TMEM150B: variants seen among roughly 807,000 people sequenced by gnomAD.
TMEM150B encodes the protein modulator of macroautophagy TMEM150B.
In TMEM150B, 33 loss-of-function variants were observed where a neutral mutation model predicts 25.2. The observed-to-expected ratio is 1.31, with a 90% CI of 0.99 to 1.75. The LOEUF (loss-of-function observed/expected upper bound fraction) is 1.75. TMEM150B is among the 40% of genes most tolerant of loss of function. The pLI is 0.00. For missense variants in TMEM150B, 322 were observed against 306.1 expected (o/e 1.05, Z -0.39); for synonymous variants, 133 against 134.8 (o/e 0.99, Z 0.09).
intron 7 of TMEM150B, among the ~76,000 whole-genome samples, chr19:55,315,020 A>G (rs2088948979): frequency 6.6e-6 from 1 of 152,098 alleles, no homozygotes; most frequent in Non-Finnish European, 1.5e-5. Flanking sequence ...TACCTATCAG[A>G]ATTAATCACT....
chr19:55,320,226 G>A, intron 5 of TMEM150B, 60 bp from the exon 6 acceptor site: 1 of 1,587,802 alleles, frequency 6.3e-7, no homozygotes, highest in South Asian at 1.1e-5. Flanking sequence ...CTGGGACCCA[G>A]GGAGGGAAGT....
At chr19:55,312,790 C>A, downstream of TMEM150B, 1 of 1,448,958 alleles carries the variant, frequency 6.9e-7, no homozygotes, top group Non-Finnish European at 9.3e-7. Flanking sequence ...TTGCTGGGTG[C>A]GGGGCACTGG....
At chr19:55,324,829 A>T in intron 1 of TMEM150B, 2 of 985,284 alleles carry the variant, frequency 2.0e-6, no homozygotes, top group Middle Eastern at 5.2e-4. Flanking sequence ...CCCAGACATG[A>T]ATCTGAGCCA....
chr19:55,320,660 C>G (rs780762140), intron 3 of TMEM150B, 43 bp from the exon 4 acceptor site: 3 of 1,589,734 alleles, frequency 1.9e-6, no homozygotes, highest in Non-Finnish European at 2.6e-6. Context: ...TCACCAACAA[C>G]TTTTCCTTCT....
At chr19:55,310,600 T>C (rs1477748922), downstream of TMEM150B, among the ~76,000 whole-genome samples, 4 of 152,036 alleles carry the variant, frequency 2.6e-5, no homozygotes, top group African/African-American at 9.7e-5. The surrounding 1 kb of genome is among the most constrained non-coding windows in gnomAD (Gnocchi z 5.0). Flanking sequence ...TCCCCTCAAC[T>C]GGGGAAAACA....
At chr19:55,318,939 C>T (rs2089098234) in intron 6 of TMEM150B, among the ~76,000 whole-genome samples, 1 of 151,988 alleles carries the variant, frequency 6.6e-6, no homozygotes, top group Non-Finnish European at 1.5e-5. Flanking sequence ...TCCTGCATAG[C>T]TGGGACTACA....
chr19:55,317,311 C>T (rs1246864074), intron 6 of TMEM150B, among the ~76,000 whole-genome samples: 1 of 152,126 alleles, frequency 6.6e-6, no homozygotes, highest in Non-Finnish European at 1.5e-5. Flanking sequence ...TTGTATGTGA[C>T]TCACGGATAC....
At chr19:55,316,307 G>T (rs559290712) in intron 7 of TMEM150B, among the ~76,000 whole-genome samples, 41 of 151,990 alleles carry the variant, frequency 2.7e-4, no homozygotes, top group Non-Finnish European at 3.1e-4. Context: ...AGAACCTCAC[G>T]CGCATCCTGG....
At chr19:55,312,081 G>A (rs748324095), downstream of TMEM150B, 56 of 1,392,114 alleles carry the variant, frequency 4.0e-5, no homozygotes, top group Middle Eastern at 2.4e-4. Flanking sequence ...CCACGGGGCC[G>A]GGGAGGGAGG....
At chr19:55,313,505 C>T (rs1265303552) in intron 7 of TMEM150B, among the ~76,000 whole-genome samples, 1 of 152,150 alleles carries the variant, frequency 6.6e-6, no homozygotes, top group East Asian at 1.9e-4. Context: ...CCTACAGGCC[C>T]TTCCTGCTCA....
chr19:55,319,684 A>G, intron 6 of TMEM150B: 1 of 1,014,708 alleles, frequency 9.9e-7, no homozygotes, highest in South Asian at 3.0e-5. Context: ...TCCTCACCTC[A>G]GGCGATCCGC....
intron 7 of TMEM150B, 80 bp from the exon 8 acceptor site, chr19:55,313,135 C>T (rs1024284818): frequency 6.3e-6 from 9 of 1,421,644 alleles, no homozygotes; most frequent in South Asian, 2.8e-5. Context: ...TCGCGCTGGG[C>T]GGAGGCCGTC....
downstream of TMEM150B, among the ~76,000 whole-genome samples, chr19:55,311,005 G>A (rs1300960395): frequency 6.6e-6 from 1 of 152,096 alleles, no homozygotes; most frequent in Non-Finnish European, 1.5e-5. Context: ...CTGTCGCTCA[G>A]GCTGGAGTGC....
At chr19:55,325,069 G>A (rs149868247) in intron 1 of TMEM150B, among the ~76,000 whole-genome samples, 3 of 152,268 alleles carry the variant, frequency 2.0e-5, no homozygotes, top group Non-Finnish European at 4.4e-5. Context: ...TAATAAAGAC[G>A]AGAAAGCCCA....
At chr19:55,310,957 C>T (rs796107265), downstream of TMEM150B, among the ~76,000 whole-genome samples, 17 of 152,118 alleles carry the variant, frequency 1.1e-4, no homozygotes, top group African/African-American at 4.1e-4. This position sits in a 1 kb window ranked among gnomAD's most constrained non-coding sequence, Gnocchi z 5.0. Flanking sequence ...ACAAGCCCCC[C>T]AGTTTTTGTT....
chr19:55,311,018 T>A (rs1408851068), downstream of TMEM150B, among the ~76,000 whole-genome samples: 1 of 152,128 alleles, frequency 6.6e-6, no homozygotes, highest in African/African-American at 2.4e-5. Context: ...TGGAGTGCAG[T>A]GGCGCGATCT....
intron 7 of TMEM150B, among the ~76,000 whole-genome samples, chr19:55,314,830 C>A (rs1159629429): frequency 2.0e-5 from 3 of 152,196 alleles, no homozygotes; most frequent in Non-Finnish European, 4.4e-5. Context: ...ATACGATCAC[C>A]ATTTCCATTT....
intron 1 of TMEM150B, among the ~76,000 whole-genome samples, chr19:55,323,552 G>A (rs959829820): frequency 6.6e-5 from 10 of 151,328 alleles, no homozygotes; most frequent in Non-Finnish European, 1.2e-4. Context: ...ACCCAGATTG[G>A]AGTGCAGTGG....
intron 7 of TMEM150B, among the ~76,000 whole-genome samples, chr19:55,316,567 C>A (rs1207027223): frequency 1.3e-5 from 2 of 151,976 alleles, no homozygotes; most frequent in African/African-American, 4.8e-5. Context: ...AAGTAACAGC[C>A]CGCGGAAGTT....
Sources: allele counts gnomAD v4.1 joint callset (sites outside exome capture counted in the v4.1 genomes callset), GRCh38; gene constraint gnomAD v4.1.1; non-coding constraint Gnocchi (gnomAD v3.1); transcripts MANE v1.5; gene names NCBI Gene and HGNC (gene_info 2026-07-23, HGNC 2026-07-21).